The following SH3D19 variants were observed in gnomAD, a reference collection of about 807,000 sequenced individuals.
The protein encoded by SH3D19 is SH3 domain-containing protein 19.
In SH3D19, 58 loss-of-function variants were observed where a neutral mutation model predicts 112.1. That is an observed-to-expected ratio of 0.52 (90% CI 0.42 to 0.64). The LOEUF is 0.64. Among genes scored for constraint, SH3D19 ranks in the 30% least tolerant of loss-of-function variants. SH3D19 has a pLI of 0.00. For missense variants in SH3D19, 1,090 were observed against 1,263.4 expected (o/e 0.86, Z 2.08); for synonymous variants, 391 against 448.5 (o/e 0.87, Z 1.62).
intron 1 of SH3D19, chr4:151,277,167 A>G: frequency 1.1e-5 from 16 of 1,464,586 alleles, no homozygotes; most frequent in Non-Finnish European, 1.5e-5. Flanking sequence ...CTCTGAGGAC[A>G]GAGACATGGG....
intron 8 of SH3D19, among the ~76,000 whole-genome samples, chr4:151,162,389 C>T (rs565950270): frequency 1.1e-4 from 16 of 152,224 alleles, no homozygotes; most frequent in African/African-American, 3.6e-4. Flanking sequence ...CAGGGTTTCA[C>T]CATGTTGGCC....
At chr4:151,301,567 C>G (rs1321708366) in intron 1 of SH3D19, among the ~76,000 whole-genome samples, 1 of 152,080 alleles carries the variant, frequency 6.6e-6, no homozygotes, top group Admixed American at 6.6e-5. Flanking sequence ...ACTCCCCGCT[C>G]TCTCTCTTCC....
At chr4:151,256,013 G>GGGGAGA (rs79688983) in intron 1 of SH3D19, among the ~76,000 whole-genome samples, 6,723 of 105,134 alleles carry the variant, frequency 0.064, 930 homozygotes, top group East Asian at 0.15. Context: ...GGAAAGAGAG[G>GGGGAGA]GGGAGAGGGA....
At chr4:151,195,520 T>C (rs1181234907) in intron 2 of SH3D19, among the ~76,000 whole-genome samples, 2 of 151,938 alleles carry the variant, frequency 1.3e-5, no homozygotes, top group Admixed American at 6.6e-5. Context: ...TGCCCATAGG[T>C]GCTCATAGGT....
chr4:151,131,534 G>T (rs533396497), intron 17 of SH3D19, among the ~76,000 whole-genome samples: 2 of 148,206 alleles, frequency 1.3e-5, no homozygotes, highest in African/African-American at 5.0e-5. Context: ...TCTCCCAGGC[G>T]GGAGTGCAGT....
At position 151,133,185 on chromosome 4, in the gene SH3D19, C is replaced by G; in HGVS notation, c.2538G>C (p.Glu846Asp). The G allele has an allele frequency of 1.2e-6, 2 of 1,614,194 alleles. No individual in the cohort carries two copies. The highest frequency in any genetic ancestry group is 1.7e-6 in the Non-Finnish European group (2 of 1,180,024). The change falls in exon 16 of 20, where the codon GAG becomes GAC. Residue 846 changes from glutamate to aspartate, a missense_variant. Physicochemically the swap from Glu to Asp is conservative, Grantham distance 45. Transcript: ENST00000604030. ...TAATTTCTCCCTCTGAGAAACTCAA[C>G]TCATCCTTCTGCTCTCCAATATATT... ...RFEYIGEQKD[E>D]LSFSEGEIII...
chr4:151,280,814 A>C (rs540598687), intron 1 of SH3D19, among the ~76,000 whole-genome samples: 2 of 152,176 alleles, frequency 1.3e-5, no homozygotes, highest in Non-Finnish European at 2.9e-5. Flanking sequence ...AGTTTAAAAA[A>C]AAACTCAAAG....
At chr4:151,188,193 C>T (rs768072198) in intron 2 of SH3D19, among the ~76,000 whole-genome samples, 1 of 151,992 alleles carries the variant, frequency 6.6e-6, no homozygotes, top group Non-Finnish European at 1.5e-5. Context: ...ATTATAGGAG[C>T]AAAAAATTGA....
chr4:151,250,462 T>C (rs1012045636), intron 1 of SH3D19, among the ~76,000 whole-genome samples: 1 of 151,944 alleles, frequency 6.6e-6, no homozygotes, highest in Non-Finnish European at 1.5e-5. Context: ...TATACAGACA[T>C]GTGTATATGG....
chr4:151,175,880 T>A (rs1287559561), intron 6 of SH3D19, among the ~76,000 whole-genome samples: 1 of 152,140 alleles, frequency 6.6e-6, no homozygotes, highest in East Asian at 1.9e-4. Flanking sequence ...ATAACACTTT[T>A]TTTTTTTTGA....
At position 151,318,857 on chromosome 4, in the gene SH3D19, A is replaced by G. The variant is rs548650783; in HGVS notation, c.112+6384T>C. ...AAGACAGTCTGATTCTCTCATGTCA[A>G]ACTGATACCCACCATGGACTACTTT... On this transcript the variant is annotated intron_variant, in intron 1 of 19. Transcript: ENST00000604030. Among the ~76,000 whole-genome samples, 3 of 152,350 alleles carry G rather than the reference A, an allele frequency of 2.0e-5. No individual in the cohort carries two copies. The South Asian group carries it at 6.2e-4, about 32-fold the overall frequency.
chr4:151,303,362 C>T (rs956090511), intron 1 of SH3D19, among the ~76,000 whole-genome samples: 1 of 152,174 alleles, frequency 6.6e-6, no homozygotes, highest in Non-Finnish European at 1.5e-5. Flanking sequence ...CTTTTATTAA[C>T]AGGATGGCAT....
At chr4:151,216,841 T>TA (rs1268224483) in intron 2 of SH3D19, among the ~76,000 whole-genome samples, 1 of 151,686 alleles carries the variant, frequency 6.6e-6, no homozygotes, top group Admixed American at 6.6e-5. Flanking sequence ...GGGGAAATGC[T>TA]AAAGTTACAT....
intron 8 of SH3D19, among the ~76,000 whole-genome samples, chr4:151,161,982 G>T (rs11099787): frequency 0.85 from 128,566 of 151,702 alleles, 55,609 homozygotes; most frequent in Non-Finnish European, 0.95. Flanking sequence ...TTTTTTAAAA[G>T]AATATTTTTA....
chr4:151,311,283 C>T (rs1254684636), intron 1 of SH3D19, among the ~76,000 whole-genome samples: 1 of 151,568 alleles, frequency 6.6e-6, no homozygotes, highest in Non-Finnish European at 1.5e-5. Flanking sequence ...GTAGTCCCAG[C>T]TTCTTGAGAT....
chr4:151,163,945 T>C (rs1757567805), intron 8 of SH3D19, among the ~76,000 whole-genome samples: 1 of 152,188 alleles, frequency 6.6e-6, no homozygotes, highest in African/African-American at 2.4e-5. Context: ...TATAACTTCC[T>C]AAGAAACTAG....
chr4:151,213,170 C>T (rs373214786), intron 2 of SH3D19, among the ~76,000 whole-genome samples: 9 of 152,272 alleles, frequency 5.9e-5, no homozygotes, highest in South Asian at 2.1e-4. Context: ...ATTGTTGAAA[C>T]GACAACAAAG....
chr4:151,296,287 A>G (rs1775712081), intron 1 of SH3D19, among the ~76,000 whole-genome samples: 1 of 152,216 alleles, frequency 6.6e-6, no homozygotes, highest in East Asian at 1.9e-4. Flanking sequence ...TCTATTTCAA[A>G]GAAAAGCTCA....
At chr4:151,301,226 TG>T (rs1221102799) in intron 1 of SH3D19, among the ~76,000 whole-genome samples, 1 of 152,168 alleles carries the variant, frequency 6.6e-6, no homozygotes, top group Non-Finnish European at 1.5e-5. Flanking sequence ...GAGATCTGCT[TG>T]TTTTTATTTA....
Sources: allele counts gnomAD v4.1 joint callset (sites outside exome capture counted in the v4.1 genomes callset), GRCh38; gene constraint gnomAD v4.1.1; transcripts MANE v1.5; gene names NCBI Gene and HGNC (gene_info 2026-07-23, HGNC 2026-07-21).